Variants in MDH1B observed in about 807,000 individuals in gnomAD.
MDH1B encodes putative malate dehydrogenase 1B.
In MDH1B, 60 loss-of-function variants were observed where a neutral mutation model predicts 61.4. The ratio of observed to expected loss-of-function variants is 0.98; its 90% confidence interval spans 0.79 to 1.21. The LOEUF is 1.21. Among genes scored for constraint, MDH1B ranks in the 50% most tolerant of loss-of-function variants. The probability of loss-of-function intolerance (pLI) is 0.00; values close to 1 mark genes in which losing one functional copy is unlikely to be tolerated. For synonymous variants in MDH1B, 236 were observed against 218.7 expected (o/e 1.08, Z -0.70); for missense variants, 587 against 632.1 (o/e 0.93, Z 0.76).
rs1559340047 is a variant in MDH1B at position 206,750,974 on chromosome 2, G to A, written c.1012C>T (p.Leu338Phe). Residue 338 changes from leucine to phenylalanine, a missense_variant, in exon 6 of 12, where the codon CTT (leucine) becomes TTT (phenylalanine). Coordinates refer to ENST00000374412, the MANE Select transcript of MDH1B (RefSeq NM_001039845.3). ...TTTAAAACAGGGCGTGAATAATGAA[G>A]AGGTCCCCAAATGGCACTCTCATAT... ...YRYESAIWGPLHYSRPVLNLI... is the reference protein window; with the variant it reads ...YRYESAIWGPFHYSRPVLNLI... 2 of 1,611,564 alleles carry A rather than the reference G, an allele frequency of 1.2e-6. No individual in the cohort carries two copies. The highest frequency in any genetic ancestry group is 1.7e-5 in the Admixed American group (1 of 59,828).
intron 8 of MDH1B, 52 bp downstream of exon 8, chr2:206,746,235 C>G (rs1688103175): frequency 6.7e-7 from 1 of 1,484,700 alleles, no homozygotes; most frequent in African/African-American, 1.4e-5. Flanking sequence ...CTAGGAGAAT[C>G]AGTTTAAGGT....
intron 5 of MDH1B, among the ~76,000 whole-genome samples, chr2:206,754,268 T>C (rs1417647579): frequency 1.3e-5 from 2 of 152,148 alleles, no homozygotes; most frequent in Admixed American, 1.3e-4. Context: ...GTCATCTCCT[T>C]CCCTTCTCAA....
chr2:206,761,658 G>A (rs1689102750), intron 1 of MDH1B, among the ~76,000 whole-genome samples: 1 of 151,924 alleles, frequency 6.6e-6, no homozygotes, highest in Non-Finnish European at 1.5e-5. Flanking sequence ...ATATATATGG[G>A]GTGCAGGTGC....
intron 9 of MDH1B, chr2:206,741,442 C>G: frequency 3.0e-6 from 1 of 331,766 alleles, no homozygotes; most frequent in South Asian, 2.6e-5. Context: ...GAAGACAGAC[C>G]CACCCTTAAT....
At chr2:206,740,637 A>C (rs1430373318) in intron 10 of MDH1B, among the ~76,000 whole-genome samples, 1 of 152,166 alleles carries the variant, frequency 6.6e-6, no homozygotes, top group Non-Finnish European at 1.5e-5. Flanking sequence ...ATAATGAGAC[A>C]AAAAATCCCA....
intron 5 of MDH1B, among the ~76,000 whole-genome samples, chr2:206,754,043 C>A (rs191892772): frequency 6.6e-6 from 1 of 152,196 alleles, no homozygotes; most frequent in Non-Finnish European, 1.5e-5. Context: ...ATTTTAGCAT[C>A]AATTTGGTTG....
intron 9 of MDH1B, chr2:206,741,508 G>A (rs1336223610): frequency 4.8e-6 from 1 of 209,040 alleles, no homozygotes; most frequent in East Asian, 1.5e-4. Context: ...AGAAAAATGT[G>A]AAAAGGTGAG....
Position 206,755,180 on chromosome 2 carries a change from C to A in MDH1B, c.739G>T (p.Ala247Ser). 6.2e-7 allele frequency: 1 copy of A among 1,614,216 alleles called. No homozygotes were observed. The highest frequency in any genetic ancestry group is 2.2e-5 in the East Asian group (1 of 44,884). ...RLYGYLIEKN[A>S]HESVRVIVGG... ...ACGATGACTCTGACAGACTCATGAG[C>A]ATTTTTCTCTATCAGGTACCCATAG... The change falls in exon 5 of 12, where the codon GCT becomes TCT. Residue 247 changes from alanine (A) to serine (S), a missense_variant. Transcript: ENST00000374412.
At chr2:206,745,506 T>C in intron 9 of MDH1B, 116 bp downstream of exon 9, 7 of 795,806 alleles carry the variant, frequency 8.8e-6, no homozygotes, top group Non-Finnish European at 1.4e-5. Flanking sequence ...TGTCATTAGT[T>C]TAGAAATGAC....
At chr2:206,759,771 G>C (rs114455215) in intron 2 of MDH1B, among the ~76,000 whole-genome samples, 501 of 152,312 alleles carry the variant, frequency 3.3e-3, no homozygotes, top group African/African-American at 0.012. Context: ...TGGCAATTGA[G>C]ATGATAAAAT....
rs1163723927 is a variant in MDH1B, at chr2:206,755,045, C to G, written c.874G>C (p.Ala292Pro). The G allele has an allele frequency of 5.0e-6, 8 of 1,613,942 alleles. No individual in the cohort carries two copies. The change falls in exon 5 of 12, where the codon GCC becomes CCC. Residue 292 changes from alanine (A) to proline (P), a missense_variant. Coordinates refer to ENST00000374412, the MANE Select transcript of MDH1B (RefSeq NM_001039845.3). ...VALGVEGEAK[A>P]ILARKLKTAP... is the part of the protein sequence containing the mutation. The stretch of plus-strand genomic sequence containing the variant: ...GTCTTCAGTTTTCTGGCCAGTATGG[C>G]TTTCGCTTCACCTTCCACCCCCAGC...
intron 5 of MDH1B, among the ~76,000 whole-genome samples, chr2:206,754,383 T>C (rs1450649848): frequency 3.3e-5 from 5 of 152,208 alleles, no homozygotes; most frequent in Non-Finnish European, 5.9e-5. Flanking sequence ...TCTAGTCTCA[T>C]CTTCTCATCT....
chr2:206,761,165 C>T (rs769932282), intron 1 of MDH1B, 152 bp from the exon 2 acceptor site: 23 of 472,308 alleles, frequency 4.9e-5, no homozygotes, highest in Non-Finnish European at 6.8e-5. Context: ...ACATAAACTT[C>T]TGATGTTTAT....
chr2:206,742,932 G>T (rs1475793073), intron 9 of MDH1B, among the ~76,000 whole-genome samples: 1 of 151,962 alleles, frequency 6.6e-6, no homozygotes, highest in Non-Finnish European at 1.5e-5. Flanking sequence ...AGCCAGGATG[G>T]TCTCGATCTC....
intron 7 of MDH1B, among the ~76,000 whole-genome samples, 186 bp from the exon 8 acceptor site, chr2:206,746,612 A>G (rs1295150586): frequency 6.6e-6 from 1 of 152,226 alleles, no homozygotes; most frequent in African/African-American, 2.4e-5. Flanking sequence ...TGACTGAGCG[A>G]CTATCCAAGT....
At chr2:206,742,802 C>G (rs916005557) in intron 9 of MDH1B, among the ~76,000 whole-genome samples, 1 of 149,752 alleles carries the variant, frequency 6.7e-6, no homozygotes, top group Non-Finnish European at 1.5e-5. Context: ...AGCTCCACCT[C>G]CTGGGTTCAC....
intron 1 of MDH1B, among the ~76,000 whole-genome samples, chr2:206,763,910 G>C (rs974215865): frequency 6.6e-6 from 1 of 151,778 alleles, no homozygotes; most frequent in African/African-American, 2.4e-5. Context: ...CCCTGCTATC[G>C]TTCCTATAGA....
intron 2 of MDH1B, 58 bp downstream of exon 2, chr2:206,760,843 T>C (rs1862087): frequency 0.22 from 216,914 of 978,376 alleles, 33,225 homozygotes; most frequent in East Asian, 0.68. Context: ...TAATATTTAA[T>C]CAAATTAAAA....
chr2:206,742,851 ACAGGTGCCTGC>A (rs919755724), intron 9 of MDH1B, among the ~76,000 whole-genome samples: 3 of 151,372 alleles, frequency 2.0e-5, no homozygotes, highest in Admixed American at 6.6e-5. Context: ...AGCTGGGACT[ACAGGTGCCTGC>A]CACCATGCCT....
Sources: allele counts gnomAD v4.1 joint callset (sites outside exome capture counted in the v4.1 genomes callset), GRCh38; gene constraint gnomAD v4.1.1; transcripts MANE v1.5; gene names NCBI Gene and HGNC (gene_info 2026-07-23, HGNC 2026-07-21).